PCDH11X: variants seen among roughly 807,000 people sequenced by gnomAD.
PCDH11X encodes the protein protocadherin 11 X-linked.
A neutral mutation model predicts 53.3 loss-of-function variants in PCDH11X; 18 were observed. The ratio of observed to expected loss-of-function variants is 0.34; its 90% CI spans 0.23 to 0.50. The LOEUF is 0.50. PCDH11X is among the 20% of genes least tolerant of loss of function. PCDH11X has a pLI of 0.98. For synonymous variants in PCDH11X, 279 were observed against 393.3 expected (o/e 0.71, Z 3.44); for missense variants, 570 against 1,032.4 (o/e 0.55, Z 6.14).
At chrX:92,588,915 A>G (rs1924708256) in intron 10 of PCDH11X, among the ~76,000 whole-genome samples, 1 of 110,801 alleles carries the variant, frequency 9.0e-6, no homozygotes, top group East Asian at 2.8e-4. Context: ...AGATCCTAAA[A>G]GCACCACAGG....
rs766671132 is a variant in PCDH11X at position 91,946,558 on chromosome X, CATATATATATATAT to C, written c.3033+67313_3033+67326del. Among the ~76,000 whole-genome samples the C allele has an allele frequency of 7.0e-3, 221 of 31,629 alleles. 1 individual carries two copies. The highest frequency in any genetic ancestry group is 0.024 in the African/African-American group (188 of 7,859). 27.5% of individuals were successfully genotyped at this position (31,629 alleles called of 115,157 possible). A position where few individuals can be genotyped will look rare whatever the true frequency, so the allele number is the denominator to read the frequency against. ...AATTTGGATTCAAACCTGTTTCCCT[CATATATATATATAT>C]ATATATATATATATATATATATATA... On this transcript the variant is annotated intron_variant, in intron 6 of 10. Coordinates refer to ENST00000682573, the MANE Select transcript of PCDH11X (RefSeq NM_032968.5).
intron 6 of PCDH11X, among the ~76,000 whole-genome samples, chrX:92,045,894 G>A (rs1278129839): frequency 1.9e-5 from 2 of 106,853 alleles, no homozygotes; most frequent in African/African-American, 6.9e-5. Context: ...AGCCAAGACT[G>A]TGCCACTGCA....
At chrX:92,318,539 C>T (rs34177500) in intron 8 of PCDH11X, among the ~76,000 whole-genome samples, 7 of 111,398 alleles carry the variant, frequency 6.3e-5, no homozygotes, top group Non-Finnish European at 1.1e-4. Flanking sequence ...CAGGCCACAA[C>T]TGCATAAACC....
intron 8 of PCDH11X, among the ~76,000 whole-genome samples, chrX:92,355,229 C>A (rs5984935): frequency 0.02 from 1,721 of 85,658 alleles, 58 homozygotes; most frequent in African/African-American, 0.075. Flanking sequence ...AGATCGAGAC[C>A]ATCCCGGCTA....
chrX:91,850,456 G>T (rs1403490631), intron 5 of PCDH11X, among the ~76,000 whole-genome samples: 2 of 111,450 alleles, frequency 1.8e-5, no homozygotes, highest in African/African-American at 3.2e-5. Flanking sequence ...TTGATTCCCA[G>T]AAGGAAAGTA....
intron 8 of PCDH11X, among the ~76,000 whole-genome samples, chrX:92,381,805 T>G (rs144102005): frequency 9.0e-6 from 1 of 111,642 alleles, no homozygotes; most frequent in African/African-American, 3.2e-5. Flanking sequence ...GATGAAGCAG[T>G]GTTCAAACCA....
At chrX:92,341,273 C>T (rs1389305420) in intron 8 of PCDH11X, among the ~76,000 whole-genome samples, 1 of 111,628 alleles carries the variant, frequency 9.0e-6, no homozygotes, top group Non-Finnish European at 1.9e-5. Context: ...CCAAACTTTC[C>T]TCATCTTCCT....
chrX:92,441,316 T>C (rs975161053), intron 9 of PCDH11X, among the ~76,000 whole-genome samples: 5 of 110,690 alleles, frequency 4.5e-5, no homozygotes, highest in Non-Finnish European at 9.5e-5. Context: ...AGGAGCCAAA[T>C]GTTAATCACC....
At chrX:92,106,402 T>C (rs2064385075) in intron 6 of PCDH11X, among the ~76,000 whole-genome samples, 1 of 111,746 alleles carries the variant, frequency 8.9e-6, no homozygotes, top group African/African-American at 3.3e-5. Context: ...TCATTGTTGT[T>C]TCTGTATGTT....
At chrX:91,995,213 G>A (rs182843832) in intron 6 of PCDH11X, among the ~76,000 whole-genome samples, 4 of 94,564 alleles carry the variant, frequency 4.2e-5, no homozygotes, top group East Asian at 3.3e-4. Context: ...TTGGTGTCAC[G>A]TTAAAAAAAA....
chrX:92,180,028 G>A (rs1204803348), intron 6 of PCDH11X, among the ~76,000 whole-genome samples: 3 of 111,838 alleles, frequency 2.7e-5, no homozygotes, highest in African/African-American at 6.5e-5. Context: ...ACCTGAAACT[G>A]GGTAATTTAT....
intron 9 of PCDH11X, among the ~76,000 whole-genome samples, chrX:92,395,444 G>A (rs1310697114): frequency 9.0e-6 from 1 of 111,104 alleles, no homozygotes; most frequent in Admixed American, 9.6e-5. Flanking sequence ...ATCATCTTAC[G>A]TATTACAGAA....
chrX:92,290,905 C>CTT (rs770461581), intron 8 of PCDH11X, among the ~76,000 whole-genome samples: 148 of 97,589 alleles, frequency 1.5e-3, no homozygotes, highest in African/African-American at 5.3e-3. Flanking sequence ...TTTCTTTTGT[C>CTT]TTTTTTTTTT....
intron 8 of PCDH11X, among the ~76,000 whole-genome samples, chrX:92,350,072 G>A (rs1184047380): frequency 9.0e-6 from 1 of 110,764 alleles, no homozygotes. Context: ...CATATACACT[G>A]AAGTTGTGAT....
chrX:92,535,448 A>G (rs1462884652), intron 10 of PCDH11X, among the ~76,000 whole-genome samples: 1 of 110,927 alleles, frequency 9.0e-6, no homozygotes. Flanking sequence ...GCATGTTCTC[A>G]CTTATCAGTG....
intron 6 of PCDH11X, among the ~76,000 whole-genome samples, chrX:91,954,126 C>A: frequency 9.1e-6 from 1 of 109,616 alleles, no homozygotes; most frequent in South Asian, 4.0e-4. Flanking sequence ...CTTCCCCCTA[C>A]CACGACAGGC....
intron 6 of PCDH11X, among the ~76,000 whole-genome samples, chrX:92,110,043 T>C (rs2064468989): frequency 8.9e-6 from 1 of 112,537 alleles, no homozygotes; most frequent in South Asian, 3.6e-4. Flanking sequence ...ATCTTTTCTT[T>C]AAGTTACTTC....
At chrX:91,991,185 T>C (rs1387798522) in intron 6 of PCDH11X, among the ~76,000 whole-genome samples, 3 of 97,566 alleles carry the variant, frequency 3.1e-5, no homozygotes, top group Non-Finnish European at 6.1e-5. Context: ...TTGGCAATGG[T>C]AGAAGTCTAC....
intron 6 of PCDH11X, among the ~76,000 whole-genome samples, chrX:92,129,647 C>T (rs1164869290): frequency 2.2e-4 from 25 of 111,294 alleles, no homozygotes; most frequent in Non-Finnish European, 4.5e-4. Context: ...AAAAGGTATG[C>T]GCTAAGGCTA....
Sources: gnomAD v4.1 joint callset for allele counts (sites outside exome capture counted in the v4.1 genomes callset) on GRCh38, gnomAD v4.1.1 for gene constraint, MANE v1.5 for transcripts, NCBI Gene and HGNC (gene_info 2026-07-23, HGNC 2026-07-21) for gene names.